Variants in ASTN1 observed in about 807,000 individuals in gnomAD.
ASTN1 encodes the protein astrotactin 1, also known as astrotactin-1.
A neutral mutation model predicts 140.7 loss-of-function variants in ASTN1; 41 were observed. The ratio of observed to expected loss-of-function variants is 0.29; its 90% CI spans 0.23 to 0.38. The LOEUF is 0.38. Among genes scored for constraint, ASTN1 ranks in the 10% least tolerant of loss-of-function variants. The pLI is 1.00. For synonymous variants in ASTN1, 640 were observed against 652.2 expected (o/e 0.98, Z 0.29); for missense variants, 1,479 against 1,678.8 (o/e 0.88, Z 2.08).
At chr1:177,008,595 G>A (rs1486753072) in intron 8 of ASTN1, among the ~76,000 whole-genome samples, 2 of 149,140 alleles carry the variant, frequency 1.3e-5, no homozygotes, top group South Asian at 2.2e-4. Flanking sequence ...AGAAGGAGGA[G>A]GAAGAGAAGA....
chr1:176,965,085 A>G (rs1672818412), intron 9 of ASTN1, 78 bp downstream of exon 9: 2 of 1,383,770 alleles, frequency 1.4e-6, no homozygotes, highest in Non-Finnish European at 2.0e-6. Context: ...TACTTTACCA[A>G]CTAGGAAAGT....
intron 8 of ASTN1, among the ~76,000 whole-genome samples, chr1:176,989,565 T>C (rs986908124): frequency 2.6e-5 from 4 of 152,104 alleles, no homozygotes; most frequent in Non-Finnish European, 5.9e-5. Flanking sequence ...TTTCTTTTTT[T>C]AAATGAAGAG....
chr1:176,958,302 T>C, intron 10 of ASTN1, 43 bp downstream of exon 10: 1 of 1,611,132 alleles, frequency 6.2e-7, no homozygotes. Context: ...CTCATTCTGC[T>C]TCCCAAGCCA....
chr1:177,011,663 C>A (rs535865125), intron 8 of ASTN1, among the ~76,000 whole-genome samples: 169 of 149,642 alleles, frequency 1.1e-3, no homozygotes, highest in African/African-American at 3.5e-3. Context: ...ACACACACAC[C>A]ACACACACAC....
intron 9 of ASTN1, among the ~76,000 whole-genome samples, chr1:176,960,561 A>G (rs920311185): frequency 5.9e-5 from 9 of 152,290 alleles, no homozygotes; most frequent in Admixed American, 5.2e-4. Flanking sequence ...GAATACATTA[A>G]TATTTCTAAG....
intron 1 of ASTN1, among the ~76,000 whole-genome samples, chr1:177,159,643 C>T (rs1289152146): frequency 6.6e-6 from 1 of 152,222 alleles, no homozygotes; most frequent in Non-Finnish European, 1.5e-5. Flanking sequence ...CACAAGACCA[C>T]CCAATACAAA....
At chr1:176,884,160 G>A (rs1321303877) in intron 19 of ASTN1, among the ~76,000 whole-genome samples, 179 bp downstream of exon 19, 1 of 152,182 alleles carries the variant, frequency 6.6e-6, no homozygotes, top group East Asian at 1.9e-4. Context: ...CAAGATGGCT[G>A]CTGCTTGGAA....
intron 1 of ASTN1, among the ~76,000 whole-genome samples, chr1:177,126,723 C>T (rs189555504): frequency 6.6e-6 from 1 of 152,334 alleles, no homozygotes; most frequent in East Asian, 1.9e-4. Context: ...AACGTGTCAT[C>T]ATGCATCACT....
Position 177,136,598 on chromosome 1 carries a change from C to T in ASTN1, c.283+27796G>A, listed in dbSNP as rs377234282. 2.0e-4 allele frequency among the ~76,000 whole-genome samples: 30 copies of T among 152,210 alleles called. 1 individual carries two copies. The East Asian group carries it at 5.6e-3, about 29-fold the overall frequency. On this transcript the variant is annotated intron_variant, in intron 1 of 22. Transcript: ENST00000361833. ...TGAATTCCTGACCTCAGGTGATCCC[C>T]CTGCCTCGGCTTCCCAAAGTGCTGG... is the stretch of plus-strand genomic sequence containing the variant.
At chr1:176,956,394 G>C (rs1427323387) in intron 11 of ASTN1, among the ~76,000 whole-genome samples, 1 of 152,160 alleles carries the variant, frequency 6.6e-6, no homozygotes, top group African/African-American at 2.4e-5. Context: ...ATCCGTCTTT[G>C]ATTGAGAGCA....
In ASTN1 at chr1:176,997,291, T is replaced by C. The variant is rs1468791152; in HGVS notation, c.1523+17500A>G. ...AGGATGTTAAGGCACAGAGAACTTA[T>C]GTAATTTGTTCCCAGCAAAGTGAGT... On this transcript the variant is annotated intron_variant, in intron 8 of 22. Coordinates refer to ENST00000361833, the MANE Select transcript of ASTN1 (RefSeq NM_004319.3). Among the ~76,000 whole-genome samples the C allele has an allele frequency of 1.3e-5, 2 of 152,288 alleles. 1 individual carries two copies. Among genetic ancestry groups the C allele is most frequent in the Middle Eastern group, 6.8e-3 (2 of 294 alleles).
intron 2 of ASTN1, among the ~76,000 whole-genome samples, chr1:177,046,960 C>T (rs752893233): frequency 6.6e-6 from 1 of 152,204 alleles, no homozygotes; most frequent in Non-Finnish European, 1.5e-5. Flanking sequence ...TGAGCCTCAG[C>T]TCTCCATATT....
At chr1:177,051,709 G>A (rs1677551404) in intron 2 of ASTN1, among the ~76,000 whole-genome samples, 1 of 152,152 alleles carries the variant, frequency 6.6e-6, no homozygotes, top group Non-Finnish European at 1.5e-5. Context: ...TGGGCAGAGG[G>A]TGGGTGAAAG....
chr1:177,030,654 T>G, intron 4 of ASTN1, 152 bp downstream of exon 4: 1 of 1,006,862 alleles, frequency 9.9e-7, no homozygotes, highest in Non-Finnish European at 1.4e-6. Context: ...TACATTTTTT[T>G]GGTAAGTAGC....
chr1:177,109,892 T>C (rs1488011208), intron 1 of ASTN1, among the ~76,000 whole-genome samples: 1 of 152,220 alleles, frequency 6.6e-6, no homozygotes, highest in East Asian at 1.9e-4. Flanking sequence ...TCTTCTAAAA[T>C]AGATAGTTCA....
intron 10 of ASTN1, 144 bp from the exon 11 acceptor site, chr1:176,957,972 G>A: frequency 9.0e-7 from 1 of 1,110,224 alleles, no homozygotes; most frequent in East Asian, 2.6e-5. Context: ...TATACTCCAA[G>A]CCTTGAACTA....
intron 16 of ASTN1, among the ~76,000 whole-genome samples, chr1:176,919,173 T>C (rs1670626941): frequency 6.6e-6 from 1 of 152,230 alleles, no homozygotes. Flanking sequence ...AAGCAGGGAT[T>C]ATGCCTCTCA....
chr1:177,006,389 T>G (rs1359172647), intron 8 of ASTN1, among the ~76,000 whole-genome samples: 2 of 151,272 alleles, frequency 1.3e-5, no homozygotes. Flanking sequence ...AATGAATGTA[T>G]TTTTTTCTAT....
intron 8 of ASTN1, among the ~76,000 whole-genome samples, chr1:176,996,256 T>C (rs1476613727): frequency 6.7e-6 from 1 of 149,220 alleles, no homozygotes; most frequent in Non-Finnish European, 1.5e-5. Flanking sequence ...GACAGAGTCA[T>C]ATATCCTCTC....
Sources: allele counts gnomAD v4.1 joint callset (sites outside exome capture counted in the v4.1 genomes callset), GRCh38; gene constraint gnomAD v4.1.1; transcripts MANE v1.5; gene names NCBI Gene and HGNC (gene_info 2026-07-23, HGNC 2026-07-21).